AKAIN1: variants seen among roughly 807,000 people sequenced by gnomAD.
The protein encoded by AKAIN1 is A-kinase anchor inhibitor 1, also known as A-kinase anchor protein inhibitor 1.
AKAIN1 carries 3 observed loss-of-function variants against 3.7 expected under a neutral mutation model. The observed-to-expected ratio is 0.82, with a 90% CI of 0.37 to 2.12. The LOEUF (loss-of-function observed/expected upper bound fraction) is 2.12, where lower values mean the gene tolerates loss of function less well. AKAIN1 is among the 30% of genes most tolerant of loss of function. The pLI is 0.06. For synonymous variants in AKAIN1, 31 were observed against 30.8 expected, an observed-to-expected ratio of 1.01 and a Z score of -0.02; for missense variants, 82 against 82.7, an observed-to-expected ratio of 0.99 and a Z score of 0.03.
At chr18:5,185,011 G>C (rs1307705385) in intron 1 of AKAIN1, among the ~76,000 whole-genome samples, 1 of 151,936 alleles carries the variant, frequency 6.6e-6, no homozygotes, top group Non-Finnish European at 1.5e-5. Flanking sequence ...TAAACCAATG[G>C]AACAGAATAG....
intron 1 of AKAIN1, among the ~76,000 whole-genome samples, chr18:5,180,097 C>A (rs116387989): frequency 1.3e-5 from 2 of 152,164 alleles, no homozygotes; most frequent in African/African-American, 4.8e-5. Context: ...CACTTTCTTC[C>A]CAAAAGAATT....
chr18:5,172,167 A>G (rs1413550536), intron 1 of AKAIN1, among the ~76,000 whole-genome samples: 3 of 152,164 alleles, frequency 2.0e-5, no homozygotes, highest in South Asian at 2.1e-4. Context: ...GGAGACAGAG[A>G]GTAGAATAAT....
intron 1 of AKAIN1, among the ~76,000 whole-genome samples, chr18:5,184,576 G>T (rs907416751): frequency 6.6e-6 from 1 of 151,898 alleles, no homozygotes; most frequent in African/African-American, 2.4e-5. Flanking sequence ...AATTGAGAAT[G>T]CAATCCCATT....
At chr18:5,172,885 T>C (rs968929630) in intron 1 of AKAIN1, among the ~76,000 whole-genome samples, 1 of 152,080 alleles carries the variant, frequency 6.6e-6, no homozygotes, top group Admixed American at 6.6e-5. Context: ...AGGTGTGGAA[T>C]CTAAATTACA....
At chr18:5,146,888 C>T (rs2071052593) in intron 1 of AKAIN1, among the ~76,000 whole-genome samples, 1 of 152,202 alleles carries the variant, frequency 6.6e-6, no homozygotes, top group South Asian at 2.1e-4. Context: ...TGTCAACCCC[C>T]AATCTGGAAT....
chr18:5,168,552 A>G (rs2071179533), intron 1 of AKAIN1, among the ~76,000 whole-genome samples: 1 of 152,130 alleles, frequency 6.6e-6, no homozygotes, highest in Non-Finnish European at 1.5e-5. Context: ...ATATTTCCAT[A>G]CCTTATACTG....
chr18:5,152,850 G>A (rs1035331883), intron 1 of AKAIN1, among the ~76,000 whole-genome samples: 10 of 152,006 alleles, frequency 6.6e-5, no homozygotes, highest in Non-Finnish European at 7.3e-5. Flanking sequence ...AGGGAGACGG[G>A]CGATGGCGCT....
At chr18:5,160,506 C>A (rs1247617590) in intron 1 of AKAIN1, among the ~76,000 whole-genome samples, 1 of 152,080 alleles carries the variant, frequency 6.6e-6, no homozygotes, top group East Asian at 1.9e-4. Context: ...CTATGGCCCT[C>A]TTTGTGGCTC....
chr18:5,146,262 A>G (rs189707401), intron 1 of AKAIN1, among the ~76,000 whole-genome samples: 300 of 152,244 alleles, frequency 2.0e-3, no homozygotes, highest in African/African-American at 6.4e-3. Context: ...AAATGCAGAC[A>G]TTAAACGCCT....
chr18:5,160,126 T>C (rs1239135914), intron 1 of AKAIN1, among the ~76,000 whole-genome samples: 1 of 152,158 alleles, frequency 6.6e-6, no homozygotes, highest in Admixed American at 6.5e-5. Flanking sequence ...TTGTCTGCAT[T>C]GTAGAGAATA....
chr18:5,149,645 G>A (rs142527121), intron 1 of AKAIN1, among the ~76,000 whole-genome samples: 9 of 152,176 alleles, frequency 5.9e-5, no homozygotes, highest in South Asian at 2.1e-4. Flanking sequence ...TATTCACGAC[G>A]TGCATTGCTT....
chr18:5,147,321 C>T (rs990118145), intron 1 of AKAIN1, among the ~76,000 whole-genome samples: 1 of 152,138 alleles, frequency 6.6e-6, no homozygotes, highest in South Asian at 2.1e-4. Flanking sequence ...TTTAAGGCAA[C>T]TGCTCTTTTG....
At chr18:5,158,879 C>T (rs1488482430) in intron 1 of AKAIN1, among the ~76,000 whole-genome samples, 6 of 152,128 alleles carry the variant, frequency 3.9e-5, no homozygotes, top group Admixed American at 1.3e-4. Context: ...GGTTTTCTTA[C>T]AACTAAACTA....
In AKAIN1 at chr18:5,145,398, CT is replaced by C. The variant is rs2071042862; in HGVS notation, c.*163del. The C allele has an allele frequency of 1.7e-6, 1 of 586,054 alleles. No individual in the cohort carries two copies. 36.3% of individuals were successfully genotyped at this position (586,054 alleles called of 1,614,324 possible). A position where few individuals can be genotyped will look rare whatever the true frequency, so the allele number is the denominator to read the frequency against. The stretch of plus-strand genomic sequence containing the variant: ...AATATGAACAGAATCGTCTAATGCA[CT>C]TTTTCAAAACAGTGCTTCTCAGCCA... On this transcript the variant is annotated 3_prime_UTR_variant, in exon 2 of 2. Coordinates refer to ENST00000434239, the MANE Select transcript of AKAIN1 (RefSeq NM_001145194.2).
chr18:5,153,230 A>T (rs1402409556), intron 1 of AKAIN1, among the ~76,000 whole-genome samples: 1 of 152,254 alleles, frequency 6.6e-6, no homozygotes, highest in Non-Finnish European at 1.5e-5. Flanking sequence ...AGCCATAAAA[A>T]TGGTGCCAAT....
At chr18:5,151,054 T>A (rs1421235679) in intron 1 of AKAIN1, among the ~76,000 whole-genome samples, 1 of 152,068 alleles carries the variant, frequency 6.6e-6, no homozygotes, top group East Asian at 1.9e-4. Context: ...CTATCTCTCA[T>A]CTCTCCCCAC....
intron 1 of AKAIN1, among the ~76,000 whole-genome samples, chr18:5,154,749 C>T (rs1437925740): frequency 1.3e-5 from 2 of 152,084 alleles, no homozygotes; most frequent in East Asian, 2.0e-4. Context: ...CAAGAGACTC[C>T]ACCTGATGTC....
At chr18:5,167,092 C>G (rs1055376130) in intron 1 of AKAIN1, among the ~76,000 whole-genome samples, 1 of 152,010 alleles carries the variant, frequency 6.6e-6, no homozygotes, top group African/African-American at 2.4e-5. Flanking sequence ...ATAATTAAAG[C>G]AGTGTGATGT....
Position 5,143,208 on chromosome 18 carries a change from A to T in AKAIN1, c.*2354T>A, listed in dbSNP as rs1208620005. ...CTGTAGGCCCCTTGTAAAATCTAGT[A>T]ACTTTTTCTTCATACTGAAAGATCT... On this transcript the variant is annotated 3_prime_UTR_variant, in exon 2 of 2. Coordinates refer to ENST00000434239, the MANE Select transcript of AKAIN1 (RefSeq NM_001145194.2). Among the ~76,000 whole-genome samples the T allele has an allele frequency of 6.6e-6, 1 of 152,356 alleles. No homozygotes were observed. The highest frequency in any genetic ancestry group is 1.5e-5 in the Non-Finnish European group (1 of 68,032).
Sources: gnomAD v4.1 joint callset for allele counts (sites outside exome capture counted in the v4.1 genomes callset) on GRCh38, gnomAD v4.1.1 for gene constraint, MANE v1.5 for transcripts, NCBI Gene and HGNC (gene_info 2026-07-23, HGNC 2026-07-21) for gene names.